HNRNPM: variants seen among roughly 807,000 people sequenced by gnomAD.
The protein encoded by HNRNPM is CEA receptor.
A neutral mutation model predicts 73.1 loss-of-function variants in HNRNPM; 11 were observed. The ratio of observed to expected loss-of-function variants is 0.15; its 90% CI spans 0.09 to 0.25. The LOEUF (loss-of-function observed/expected upper bound fraction) is 0.25, where lower values mean the gene tolerates loss of function less well. Among genes scored for constraint, HNRNPM ranks in the 10% least tolerant of loss-of-function variants. The probability of loss-of-function intolerance (pLI) is 1.00; values close to 1 mark genes in which losing one functional copy is unlikely to be tolerated. For missense variants in HNRNPM, 789 were observed against 1,067.9 expected, an observed-to-expected ratio of 0.74 and a Z score of 3.64; for synonymous variants, 407 against 355.2, an observed-to-expected ratio of 1.15 and a Z score of -1.64.
chr19:8,464,271 A>G (rs1051200774), intron 5 of HNRNPM, among the ~76,000 whole-genome samples: 1 of 151,350 alleles, frequency 6.6e-6, no homozygotes, highest in African/African-American at 2.4e-5. Context: ...TGAGTTTGTT[A>G]TTCCTCAAAC....
intron 1 of HNRNPM, among the ~76,000 whole-genome samples, chr19:8,450,537 G>GTT (rs1319784937): frequency 4.0e-5 from 6 of 151,880 alleles, no homozygotes; most frequent in African/African-American, 1.5e-4. Context: ...AGCCTTCTGA[G>GTT]TAAATAGGAC....
intron 7 of HNRNPM, among the ~76,000 whole-genome samples, chr19:8,466,828 C>CAAAAAAAAAA (rs61362863): frequency 7.1e-5 from 4 of 56,490 alleles, no homozygotes; most frequent in Admixed American, 3.0e-4. Context: ...GACTCAGTCT[C>CAAAAAAAAAA]AAAAAAAAAA....
chr19:8,486,126 G>A lies in HNRNPM; in HGVS notation c.1698G>A (p.Met566Ile), dbSNP rs1971278947. Residue 566 changes from methionine to isoleucine, a missense_variant, in exon 14 of 16, where the codon ATG (methionine) becomes ATA (isoleucine). Coordinates refer to ENST00000325495, the MANE Select transcript of HNRNPM (RefSeq NM_005968.5). ...ERMGANNLER[M>I]GLERMGANSL... ...TGGGCGCCAACAATCTGGAGCGGAT[G>A]GGCCTGGAGCGCATGGGCGCCAACA... 6.2e-7 allele frequency: 1 copy of A among 1,605,270 alleles called. No individual in the cohort carries two copies. Among genetic ancestry groups the A allele is most frequent in the Non-Finnish European group, 8.5e-7 (1 of 1,179,132 alleles).
rs1016454769 is a variant in HNRNPM, at chr19:8,486,213, C to T, written c.1785C>T (p.Ala595=). 1 of 1,591,064 alleles carries T rather than the reference C, an allele frequency of 6.3e-7. No individual in the cohort carries two copies. Among genetic ancestry groups the T allele is most frequent in the South Asian group, 1.1e-5 (1 of 89,852 alleles). The change falls in exon 14 of 16, where the codon GCC becomes GCT. Residue 595 remains alanine, a synonymous_variant. Coordinates refer to ENST00000325495, the MANE Select transcript of HNRNPM (RefSeq NM_005968.5). ...ACAGCCTCGAGCGCATGGGCCCTGC[C>T]ATGGGCCCGGCCCTGGGCGCTGGCA... ...GANSLERMGP[A]MGPALGAGIE... is the part of the protein sequence containing the mutation.
chr19:8,488,320 G>A, intron 15 of HNRNPM: 1 of 211,442 alleles, frequency 4.7e-6, no homozygotes, highest in South Asian at 8.2e-5. Context: ...CATTTGGACA[G>A]TACAGACGTG....
In HNRNPM at chr19:8,447,922, A is replaced by T. The variant is rs538093289; in HGVS notation, c.113+2811A>T. 2.0e-5 allele frequency among the ~76,000 whole-genome samples: 3 copies of T among 152,154 alleles called. No homozygotes were observed. In the East Asian group the frequency reaches 5.8e-4, roughly 29 times the overall value. On this transcript the variant is annotated intron_variant, in intron 1 of 15. Coordinates refer to ENST00000325495, the MANE Select transcript of HNRNPM (RefSeq NM_005968.5). ...GCTCCTGTAGTCTCAGCCACTGGGG[A>T]GGCTGAGGCAGGAGAATGGCGTGAA...
In HNRNPM at chr19:8,488,749, G is replaced by A; in HGVS notation, c.2088G>A (p.Val696=). Residue 696 remains valine (V), a synonymous_variant, in exon 16 of 16, where the codon GTG becomes GTA. Transcript: ENST00000325495. ...ATGGGAAGTCCAAGGGGTGTGGCGTGGTTAAGTTCGAGTCGCCAGAGGTGG... is the reference window on the plus strand; with the variant it reads ...ATGGGAAGTCCAAGGGGTGTGGCGTAGTTAAGTTCGAGTCGCCAGAGGTGG... The part of the protein sequence containing the change: ...MENGKSKGCG[V]VKFESPEVAE... 1 of 1,614,152 alleles carries A rather than the reference G, an allele frequency of 6.2e-7. No individual in the cohort carries two copies. The highest frequency in any genetic ancestry group is 1.1e-5 in the South Asian group (1 of 91,084).
chr19:8,485,623 C>A lies in HNRNPM; in HGVS notation c.1195C>A (p.Pro399Thr), dbSNP rs2145757583. The change falls in exon 14 of 16, where the codon CCT becomes ACT. Residue 399 changes from proline (P) to threonine (T), a missense_variant. Physicochemically the swap from Pro to Thr is conservative, Grantham distance 38 (BLOSUM62 -1). This residue lies in a region of HNRNPM where 604 missense variants were observed against 744.0 expected (regional missense o/e 0.81). Transcript: ENST00000325495. ...TTCAGGTGGAGGTGGAGGAAGCGTC[C>A]CTGGGATCGAGAGGATGGGTCCTGG... The part of the protein sequence containing the change: ...QGGGGGGGSV[P>T]GIERMGPGID... The A allele has an allele frequency of 6.2e-7, 1 of 1,601,830 alleles. No homozygotes were observed. The highest frequency in any genetic ancestry group is 8.5e-7 in the Non-Finnish European group (1 of 1,175,634).
At chr19:8,474,664 C>T (rs1022859285) in intron 12 of HNRNPM, among the ~76,000 whole-genome samples, 3 of 151,724 alleles carry the variant, frequency 2.0e-5, no homozygotes, top group South Asian at 2.1e-4. Context: ...TTTAATTTAG[C>T]ATTTACATAA....
chr19:8,469,676 C>T (rs1033382380), intron 9 of HNRNPM, among the ~76,000 whole-genome samples: 1 of 152,188 alleles, frequency 6.6e-6, no homozygotes. Flanking sequence ...GTGCATACAG[C>T]GGTGGGACGA....
intron 12 of HNRNPM, 93 bp downstream of exon 12, chr19:8,474,337 GTTTCTCAC>G: frequency 1.4e-6 from 1 of 725,662 alleles, no homozygotes; most frequent in Non-Finnish European, 2.2e-6. Context: ...TGAATAAGTG[GTTTCTCAC>G]TTCTGCTTTT....
Position 8,444,976 on chromosome 19 carries a change from C to T in HNRNPM, c.-23C>T. On this transcript the variant is annotated 5_prime_UTR_variant, in exon 1 of 16. Coordinates refer to ENST00000325495, the MANE Select transcript of HNRNPM (RefSeq NM_005968.5). ...CAGCGCGGTGCAGCCCGTTCGCTCACACAAAGCCCAGACGCGGAGAAAATG... is the reference window on the plus strand; with the variant it reads ...CAGCGCGGTGCAGCCCGTTCGCTCATACAAAGCCCAGACGCGGAGAAAATG... The T allele has an allele frequency of 1.4e-6, 2 of 1,381,710 alleles. No homozygotes were observed. The highest frequency in any genetic ancestry group is 9.4e-7 in the Non-Finnish European group (1 of 1,065,888). The allele number at this position is 1,381,710 out of a possible 1,614,324, so 85.6% of individuals were successfully genotyped here.
intron 2 of HNRNPM, among the ~76,000 whole-genome samples, chr19:8,459,775 C>T (rs894124269): frequency 7.2e-5 from 11 of 152,150 alleles, no homozygotes; most frequent in African/African-American, 2.7e-4. Context: ...TTTTGGGTTG[C>T]TCATCTGCTT....
At chr19:8,471,917 A>C (rs1025756153) in intron 10 of HNRNPM, among the ~76,000 whole-genome samples, 1 of 152,188 alleles carries the variant, frequency 6.6e-6, no homozygotes, top group African/African-American at 2.4e-5. Context: ...TCACGCCTGT[A>C]ATCCCAGCAC....
At chr19:8,478,757 G>C (rs551127685) in intron 12 of HNRNPM, among the ~76,000 whole-genome samples, 1 of 152,204 alleles carries the variant, frequency 6.6e-6, no homozygotes, top group Admixed American at 6.5e-5. Context: ...GGAAACTGCT[G>C]CGTGTACTTG....
rs147051934 is a variant in HNRNPM, at chr19:8,478,789, G to A, written c.1121-4369G>A. The stretch of plus-strand genomic sequence containing the variant: ...CTTGACTTTCTGGCCCCCTAGGCCT[G>A]GAGAGTGTTTCATGGCCCTCTGGCT... On this transcript the variant is annotated intron_variant, in intron 12 of 15. Coordinates refer to ENST00000325495, the MANE Select transcript of HNRNPM (RefSeq NM_005968.5). Among the ~76,000 whole-genome samples the A allele has an allele frequency of 5.7e-3, 865 of 152,242 alleles. 12 individuals carry two copies. Among genetic ancestry groups the A allele is most frequent in the African/African-American group, 0.02 (825 of 41,526 alleles).
chr19:8,467,654 C>A, intron 8 of HNRNPM, 70 bp downstream of exon 8: 1 of 1,056,088 alleles, frequency 9.5e-7, no homozygotes, highest in Non-Finnish European at 1.5e-6. Context: ...TAAGAGTGTA[C>A]ATATAGCCAC....
chr19:8,457,224 G>A (rs1186825526), intron 2 of HNRNPM, among the ~76,000 whole-genome samples: 1 of 152,186 alleles, frequency 6.6e-6, no homozygotes, highest in Non-Finnish European at 1.5e-5. Context: ...GATGAAGTAG[G>A]TGACATTTTT....
chr19:8,478,547 G>A (rs1970673669), intron 12 of HNRNPM, among the ~76,000 whole-genome samples: 1 of 152,186 alleles, frequency 6.6e-6, no homozygotes, highest in Non-Finnish European at 1.5e-5. Context: ...GGTGCAGGCT[G>A]CCAGGGTTTA....
Sources: allele counts gnomAD v4.1 joint callset (sites outside exome capture counted in the v4.1 genomes callset), GRCh38; gene constraint gnomAD v4.1.1; regional missense constraint gnomAD v4.1.1; transcripts MANE v1.5; gene names NCBI Gene and HGNC (gene_info 2026-07-23, HGNC 2026-07-21).